Variants in FRMD4B observed in about 807,000 individuals in gnomAD.
The protein encoded by FRMD4B is FERM domain containing 4B.
FRMD4B carries 74 observed loss-of-function variants against 141.5 expected under a neutral mutation model. The ratio of observed to expected loss-of-function variants is 0.52; its 90% CI spans 0.43 to 0.63. FRMD4B has a LOEUF of 0.63. FRMD4B is among the 30% of genes least tolerant of loss of function. FRMD4B has a pLI of 0.00. For missense variants in FRMD4B, 1,366 were observed against 1,253.4 expected, an observed-to-expected ratio of 1.09 and a Z score of -1.36; for synonymous variants, 506 against 467.9, an observed-to-expected ratio of 1.08 and a Z score of -1.05.
At chr3:69,217,032 G>T (rs1422201992) in intron 10 of FRMD4B, among the ~76,000 whole-genome samples, 1 of 150,076 alleles carries the variant, frequency 6.7e-6, no homozygotes. Flanking sequence ...AGTTATAAAA[G>T]GTTGGGGACG....
intron 2 of FRMD4B, among the ~76,000 whole-genome samples, chr3:69,427,954 C>T (rs1163925034): frequency 3.3e-5 from 5 of 152,014 alleles, no homozygotes; most frequent in African/African-American, 1.2e-4. Flanking sequence ...CCACCACGCC[C>T]AGCCAAGAAG....
intron 16 of FRMD4B, among the ~76,000 whole-genome samples, 190 bp downstream of exon 16, chr3:69,194,831 AT>A (rs2092881327): frequency 6.6e-6 from 1 of 152,230 alleles, no homozygotes; most frequent in African/African-American, 2.4e-5. Context: ...TGGGGAGTAA[AT>A]TAGTGAGAAG....
chr3:69,212,177 T>C (rs1346968109), intron 11 of FRMD4B, among the ~76,000 whole-genome samples: 4 of 150,720 alleles, frequency 2.7e-5, no homozygotes, highest in Admixed American at 2.0e-4. Flanking sequence ...TTGGCCAGCA[T>C]GGTGAAAACC....
chr3:69,194,873 AG>A, intron 16 of FRMD4B, 148 bp downstream of exon 16: 1 of 616,414 alleles, frequency 1.6e-6, no homozygotes, highest in East Asian at 3.0e-5. Context: ...TGGGCATGAA[AG>A]AAAGAGTTCA....
intron 2 of FRMD4B, among the ~76,000 whole-genome samples, chr3:69,410,404 G>A (rs1371877513): frequency 2.6e-5 from 4 of 152,136 alleles, no homozygotes; most frequent in Admixed American, 6.5e-5. Flanking sequence ...GCGTGTGTGA[G>A]TATGAGTATG....
intron 2 of FRMD4B, among the ~76,000 whole-genome samples, chr3:69,396,886 C>T (rs2872803): frequency 0.62 from 94,826 of 152,084 alleles, 30,245 homozygotes; most frequent in East Asian, 0.7. Context: ...CAAATGTTCA[C>T]GGTAGCATTA....
chr3:69,514,397 A>T (rs1370364466), intron 1 of FRMD4B, among the ~76,000 whole-genome samples: 1 of 152,142 alleles, frequency 6.6e-6, no homozygotes, highest in East Asian at 1.9e-4. Flanking sequence ...TGAAAAAAAA[A>T]TAAAGAAATA....
At chr3:69,310,297 CT>C (rs1305799060) in intron 3 of FRMD4B, 1 of 366,658 alleles carries the variant, frequency 2.7e-6, no homozygotes, top group Admixed American at 3.3e-5. Flanking sequence ...AAATTAACTC[CT>C]TCTTGAGATG....
chr3:69,515,783 C>T lies in FRMD4B; in HGVS notation c.-129+26423G>A, dbSNP rs541283348. Among the ~76,000 whole-genome samples the T allele has an allele frequency of 7.2e-5, 11 of 152,210 alleles. No individual in the cohort carries two copies. The South Asian group carries it at 2.1e-3, about 29-fold the overall frequency. ...CAAGAAACTGACGCATATATAGTTT[C>T]TAAATGGAAAATATAACGCCGAAAT... On this transcript the variant is annotated intron_variant, in intron 1 of 5. Coordinates refer to the FRMD4B transcript ENST00000459638.
At chr3:69,190,527 G>A (rs139850035) in intron 17 of FRMD4B, among the ~76,000 whole-genome samples, 292 of 151,780 alleles carry the variant, frequency 1.9e-3, no homozygotes, top group African/African-American at 6.4e-3. Context: ...CAATCCTCCC[G>A]CCTCAGCCTC....
intron 11 of FRMD4B, among the ~76,000 whole-genome samples, chr3:69,216,037 C>G (rs1210286871): frequency 6.6e-6 from 1 of 152,054 alleles, no homozygotes; most frequent in Non-Finnish European, 1.5e-5. Context: ...GCCTGTAATC[C>G]CAGCTACTTG....
chr3:69,494,478 C>T (rs939737179), intron 1 of FRMD4B, among the ~76,000 whole-genome samples: 3 of 152,200 alleles, frequency 2.0e-5, no homozygotes, highest in Non-Finnish European at 4.4e-5. Flanking sequence ...CCCAGATAAA[C>T]GTATGTGGTC....
At chr3:69,423,507 G>A (rs1405028644) in intron 2 of FRMD4B, among the ~76,000 whole-genome samples, 1 of 152,156 alleles carries the variant, frequency 6.6e-6, no homozygotes, top group Non-Finnish European at 1.5e-5. Context: ...GGTGCTTTTG[G>A]TTGGTGATTT....
intron 5 of FRMD4B, among the ~76,000 whole-genome samples, chr3:69,267,587 GTGTGTGTGTATATATATATATATATA>G (rs752110481): frequency 0.012 from 640 of 53,500 alleles, 11 homozygotes; most frequent in Admixed American, 0.046. Context: ...ATGTGTGTGT[GTGTGTGTGTATATATATATATATATA>G]TATATATATA....
chr3:69,260,919 G>A (rs2093523002), intron 5 of FRMD4B, among the ~76,000 whole-genome samples: 4 of 152,208 alleles, frequency 2.6e-5, no homozygotes, highest in Admixed American at 2.6e-4. Flanking sequence ...CTAGCTCAGG[G>A]ACTGTAATCG....
intron 1 of FRMD4B, among the ~76,000 whole-genome samples, chr3:69,314,527 C>CA (rs34513769): frequency 0.39 from 48,848 of 125,402 alleles, 9,159 homozygotes; most frequent in East Asian, 0.61. Flanking sequence ...GACTCTGTCT[C>CA]AAAAAAAAAA....
At chr3:69,455,791 G>A (rs4349501) in intron 1 of FRMD4B, among the ~76,000 whole-genome samples, 101,269 of 152,026 alleles carry the variant, frequency 0.67, 34,397 homozygotes, top group East Asian at 0.83. Flanking sequence ...GTCTTTAACT[G>A]TGTTAATAAA....
At chr3:69,290,056 G>A (rs1700820293) in intron 4 of FRMD4B, among the ~76,000 whole-genome samples, 1 of 152,010 alleles carries the variant, frequency 6.6e-6, no homozygotes, top group Admixed American at 6.6e-5. Context: ...TATTAATTTT[G>A]TCTCAGCTTT....
chr3:69,445,235 T>C (rs76530192), intron 1 of FRMD4B, among the ~76,000 whole-genome samples: 5,312 of 152,276 alleles, frequency 0.035, 290 homozygotes, highest in African/African-American at 0.12. Flanking sequence ...AGCACCCACT[T>C]ATTAGCATGT....
Sources: allele counts gnomAD v4.1 joint callset (sites outside exome capture counted in the v4.1 genomes callset), GRCh38; gene constraint gnomAD v4.1.1; transcripts MANE v1.5; gene names NCBI Gene and HGNC (gene_info 2026-07-23, HGNC 2026-07-21).